The following DGKQ variants were observed in gnomAD, a reference collection of about 807,000 sequenced individuals.
DGKQ encodes DAG kinase theta.
DGKQ carries 97 observed loss-of-function variants against 104.2 expected under a neutral mutation model. The ratio of observed to expected loss-of-function variants is 0.93; its 90% CI spans 0.79 to 1.10. DGKQ has a LOEUF of 1.10. Among genes scored for constraint, DGKQ ranks in the 50% least tolerant of loss-of-function variants. DGKQ has a pLI of 0.00. For synonymous variants in DGKQ, 736 were observed against 595.2 expected, an observed-to-expected ratio of 1.24 and a Z score of -3.44; for missense variants, 1,465 against 1,352.1, an observed-to-expected ratio of 1.08 and a Z score of -1.31.
At chr4:962,646 A>G in intron 17 of DGKQ, 33 bp from the exon 18 acceptor site, 1 of 1,598,206 alleles carries the variant, frequency 6.3e-7, no homozygotes, top group East Asian at 2.2e-5. Context: ...GCATCTGTCC[A>G]CACCCACCCG....
At position 968,408 on chromosome 4, in the gene DGKQ, C is replaced by T; in HGVS notation, c.538-1G>A. ...CCCGCCAGTGGTGGTGATGGGTGTC[C>T]TGCAGAGCGGGGGCAGTCAGCAGCT... On this transcript the variant is annotated splice_acceptor_variant, in intron 4 of 22. Transcript: ENST00000273814. LOFTEE classifies it high-confidence loss of function. The T allele has an allele frequency of 3.2e-6, 5 of 1,581,594 alleles. No individual in the cohort carries two copies. The highest frequency in any genetic ancestry group is 4.3e-6 in the Non-Finnish European group (5 of 1,165,186).
intron 18 of DGKQ, 135 bp downstream of exon 18, chr4:962,300 A>G: frequency 9.7e-7 from 1 of 1,026,988 alleles, no homozygotes; most frequent in Admixed American, 2.5e-5. Context: ...GTCTCCCTCA[A>G]CTGCCCGCTT....
At position 961,990 on chromosome 4, in the gene DGKQ, G is replaced by A. The variant is rs1711922868; in HGVS notation, c.2307C>T (p.Phe769=). ...CCCTGCGGCTCCGGTACCTGCTTGTGAACTTGCCAGGCTCCTCTTCCCGTG... is the reference window on the plus strand; with the variant it reads ...CCCTGCGGCTCCGGTACCTGCTTGTAAACTTGCCAGGCTCCTCTTCCCGTG... The part of the protein sequence containing the change: ...HQAREEEPGK[F]TSRLHNKGVY... Residue 769 remains phenylalanine (F), a synonymous_variant, in exon 19 of 23, where the codon TTC becomes TTT. Coordinates refer to ENST00000273814, the MANE Select transcript of DGKQ (RefSeq NM_001347.4). 4.3e-6 allele frequency: 7 copies of A among 1,613,126 alleles called. No individual in the cohort carries two copies. Among genetic ancestry groups the A allele is most frequent in the Non-Finnish European group, 5.1e-6 (6 of 1,179,898 alleles).
Position 967,434 on chromosome 4 carries a change from G to A in DGKQ, c.988-73C>T, listed in dbSNP as rs1486438882. The A allele has an allele frequency of 2.6e-5, 35 of 1,344,214 alleles. 1 individual carries two copies. Among genetic ancestry groups the A allele is most frequent in the Admixed American group, 1.4e-4 (7 of 48,976 alleles). The allele number at this position is 1,344,214 out of a possible 1,614,324, so 83.3% of individuals were successfully genotyped here. On this transcript the variant is annotated intron_variant, in intron 8 of 22. Coordinates refer to ENST00000273814, the MANE Select transcript of DGKQ (RefSeq NM_001347.4). ...GGTTCAGTGGGGGGCAGGTCATGGAGGGGGAGGCCAGGTGGGTGAGGGGCG... is the reference window on the plus strand; with the variant it reads ...GGTTCAGTGGGGGGCAGGTCATGGAAGGGGAGGCCAGGTGGGTGAGGGGCG...
At chr4:965,011 G>A (rs77995383) in intron 15 of DGKQ, among the ~76,000 whole-genome samples, 165 bp downstream of exon 15, 5,104 of 152,282 alleles carry the variant, frequency 0.034, 132 homozygotes, top group East Asian at 0.12. Context: ...TCCTGCTGTT[G>A]TGAGGCACAA....
Position 959,490 on chromosome 4 carries a change from T to G in DGKQ, c.*1130A>C, listed in dbSNP as rs1245046044. 6.6e-6 allele frequency: 1 copy of G among 152,220 alleles called. No homozygotes were observed. The allele number at this position is 152,220 out of a possible 1,614,324, so 9.4% of individuals were successfully genotyped here. A position where few individuals can be genotyped will look rare whatever the true frequency, so the allele number is the denominator to read the frequency against. ...ATCCTTGGGCACGTGGAGGCAGCTT[T>G]GTCTTTGGCTGGGTGCACCCCAGCC... On this transcript the variant is annotated 3_prime_UTR_variant, in exon 23 of 23. Transcript: ENST00000273814.
Position 967,950 on chromosome 4 carries a change from CGCGGGAG to C in DGKQ, c.734_740del (p.Pro245ArgfsTer54). ...AGCCGCCGGGCAGAAGGCGCACGCA[CGCGGGAG>C]GCAGGACCAGGGAGCGCAGACGCCC... On this transcript the variant is annotated frameshift_variant, in exon 6 of 23. Coordinates refer to ENST00000273814, the MANE Select transcript of DGKQ (RefSeq NM_001347.4). LOFTEE classifies it high-confidence loss of function. The C allele has an allele frequency of 1.3e-6, 2 of 1,484,254 alleles. No homozygotes were observed. Among genetic ancestry groups the C allele is most frequent in the Non-Finnish European group, 1.8e-6 (2 of 1,125,438 alleles). 91.9% of individuals were successfully genotyped at this position (1,484,254 alleles called of 1,614,324 possible). A position where few individuals can be genotyped will look rare whatever the true frequency, so the allele number is the denominator to read the frequency against.
rs1713108949 is a variant in DGKQ at position 973,486 on chromosome 4, C to T, written c.-4G>A. On this transcript the variant is annotated 5_prime_UTR_variant, in exon 1 of 23. Coordinates refer to ENST00000273814, the MANE Select transcript of DGKQ (RefSeq NM_001347.4). ...CGGGCTCGGCCGCCGCCGCCATTCC[C>T]GGCCCGAGCGGCCCGAGCCCCTTTA... The T allele has an allele frequency of 1.0e-6, 1 of 987,062 alleles. No homozygotes were observed. Among genetic ancestry groups the T allele is most frequent in the Non-Finnish European group, 1.2e-6 (1 of 832,166 alleles). The allele number at this position is 987,062 out of a possible 1,614,324, so 61.1% of individuals were successfully genotyped here. A position where few individuals can be genotyped will look rare whatever the true frequency, so the allele number is the denominator to read the frequency against.
At chr4:969,545 T>C (rs1712757287) in intron 2 of DGKQ, among the ~76,000 whole-genome samples, 1 of 152,174 alleles carries the variant, frequency 6.6e-6, no homozygotes, top group South Asian at 2.1e-4. Context: ...AGAAAGACCG[T>C]GTTCCAGAAT....
At position 960,922 on chromosome 4, in the gene DGKQ, C is replaced by G. The variant is rs1311133562; in HGVS notation, c.2727+127G>C. On this transcript the variant is annotated intron_variant, in intron 22 of 22. Coordinates refer to ENST00000273814, the MANE Select transcript of DGKQ (RefSeq NM_001347.4). ...GCACAGCCCTCCTCTGAAGCAGGCA[C>G]CCTCCCGGAGTCAGTGCTCCCTGGC... is the stretch of plus-strand genomic sequence containing the variant. 3 of 1,506,342 alleles carry G rather than the reference C, an allele frequency of 2.0e-6. No individual in the cohort carries two copies. In the African/African-American group the frequency reaches 4.2e-5, roughly 21 times the overall value. 93.3% of individuals were successfully genotyped at this position (1,506,342 alleles called of 1,614,324 possible).
chr4:960,542 G>C lies in DGKQ; in HGVS notation c.*78C>G. On this transcript the variant is annotated 3_prime_UTR_variant, in exon 23 of 23. Transcript: ENST00000273814. ...CAGGGCCGGCCACTGTGTGGACGTGGAGCTGCCTCCAGACCACCTGAAAAC... is the reference window on the plus strand; with the variant it reads ...CAGGGCCGGCCACTGTGTGGACGTGCAGCTGCCTCCAGACCACCTGAAAAC... The C allele has an allele frequency of 1.5e-6, 2 of 1,349,230 alleles. No homozygotes were observed. The highest frequency in any genetic ancestry group is 2.1e-6 in the Non-Finnish European group (2 of 954,826). The allele number at this position is 1,349,230 out of a possible 1,614,324, so 83.6% of individuals were successfully genotyped here.
chr4:969,721 T>A (rs765196800), intron 2 of DGKQ, among the ~76,000 whole-genome samples: 3 of 151,518 alleles, frequency 2.0e-5, no homozygotes, highest in Non-Finnish European at 4.4e-5. Flanking sequence ...ACCATTCTCC[T>A]GCCTCAGCCT....
Position 967,573 on chromosome 4 carries a change from G to A in DGKQ, c.963C>T (p.Arg321=), listed in dbSNP as rs747704693. 2.2e-5 allele frequency: 36 copies of A among 1,612,506 alleles called. No individual in the cohort carries two copies. The highest frequency in any genetic ancestry group is 3.1e-5 in the Non-Finnish European group (36 of 1,179,858). Residue 321 remains arginine (R), a synonymous_variant, in exon 8 of 23, where the codon CGC becomes CGT. Coordinates refer to ENST00000273814, the MANE Select transcript of DGKQ (RefSeq NM_001347.4). ...RSQFRLVTVS[R]LAGAEEVLEA... Reference sequence around the variant, plus strand: ...CCAGCACCTCCTCGGCACCGGCCAGGCGGGACACCGTGACGAGGCGGAACT... The same window carrying A: ...CCAGCACCTCCTCGGCACCGGCCAGACGGGACACCGTGACGAGGCGGAACT...
chr4:967,604 C>A lies in DGKQ; in HGVS notation c.932G>T (p.Arg311Ile). 1 of 1,612,668 alleles carries A rather than the reference C, an allele frequency of 6.2e-7. No homozygotes were observed. Among genetic ancestry groups the A allele is most frequent in the African/African-American group, 1.3e-5 (1 of 75,020 alleles). The change falls in exon 8 of 23, where the codon AGA becomes ATA. Residue 311 changes from arginine (R) to isoleucine (I), a missense_variant. Arg to Ile is a moderately conservative substitution (Grantham distance 97). Coordinates refer to ENST00000273814, the MANE Select transcript of DGKQ (RefSeq NM_001347.4). ...CACCGTGACGAGGCGGAACTGGCTT[C>A]TTCTCACCGCGTCGTCGCCATCAAA... The part of the protein sequence containing the change: ...KIFDGDDAVR[R>I]SQFRLVTVSR...
At position 966,090 on chromosome 4, in the gene DGKQ, G is replaced by A. The variant is rs1712306761; in HGVS notation, c.1429-12C>T. The A allele has an allele frequency of 1.3e-6, 2 of 1,589,436 alleles. No individual in the cohort carries two copies. Among genetic ancestry groups the A allele is most frequent in the Non-Finnish European group, 1.7e-6 (2 of 1,167,002 alleles). Reference sequence around the variant, plus strand: ...TGCCGCACAGACATCTGCAGGGAGAGGGGCGGGGATGCTGGGCCGGGGAGA... The same window carrying A: ...TGCCGCACAGACATCTGCAGGGAGAAGGGCGGGGATGCTGGGCCGGGGAGA... On this transcript the variant is annotated splice_polypyrimidine_tract_variant and intron_variant, in intron 12 of 22. Coordinates refer to ENST00000273814, the MANE Select transcript of DGKQ (RefSeq NM_001347.4).
At chr4:965,898 G>T in intron 13 of DGKQ, 30 bp downstream of exon 13, 1 of 1,564,484 alleles carries the variant, frequency 6.4e-7, no homozygotes, top group Admixed American at 1.8e-5. Flanking sequence ...CCCCGTGCCA[G>T]CAGCCCACGG....
Position 966,791 on chromosome 4 carries a change from G to A in DGKQ, c.1323C>T (p.Pro441=), listed in dbSNP as rs747567422. The A allele has an allele frequency of 7.5e-6, 12 of 1,609,714 alleles. No individual in the cohort carries two copies. Among genetic ancestry groups the A allele is most frequent in the Middle Eastern group, 1.6e-4 (1 of 6,078 alleles). The change falls in exon 11 of 23, where the codon CCC becomes CCT. Residue 441 remains proline, a synonymous_variant. Coordinates refer to ENST00000273814, the MANE Select transcript of DGKQ (RefSeq NM_001347.4). ...LPLLGRQAES[P]ESFQLVEVAM... Reference sequence around the variant, plus strand: ...CCACCTCCACCAGCTGGAAGCTCTCGGGACTCTCGGCCTGTTGGGGTAGAG... The same window carrying A: ...CCACCTCCACCAGCTGGAAGCTCTCAGGACTCTCGGCCTGTTGGGGTAGAG...
At chr4:965,846 C>T in intron 13 of DGKQ, 82 bp downstream of exon 13, 1 of 1,418,108 alleles carries the variant, frequency 7.1e-7, no homozygotes, top group Non-Finnish European at 9.4e-7. Flanking sequence ...GAGGCAGGAG[C>T]CGGCTCAGCA....
At chr4:966,365 G>A (rs1712336985) in intron 12 of DGKQ, 101 bp downstream of exon 12, 2 of 1,340,062 alleles carry the variant, frequency 1.5e-6, no homozygotes, top group East Asian at 2.3e-5. Context: ...CCGCTGCCTA[G>A]CCAAGGAGAA....
Sources: gnomAD v4.1 joint callset for allele counts (sites outside exome capture counted in the v4.1 genomes callset) on GRCh38, gnomAD v4.1.1 for gene constraint, MANE v1.5 for transcripts, NCBI Gene and HGNC (gene_info 2026-07-23, HGNC 2026-07-21) for gene names.